CNOT3: variants seen among roughly 807,000 people sequenced by gnomAD.
The protein encoded by CNOT3 is CCR4-associated factor 3.
Under a neutral mutation model 89.4 loss-of-function variants are expected in CNOT3, and 2 were observed. The ratio of observed to expected loss-of-function variants is 0.02; its 90% confidence interval spans 0.01 to 0.07. The LOEUF (loss-of-function observed/expected upper bound fraction) is 0.07, where lower values mean the gene tolerates loss of function less well. CNOT3 is among the 10% of genes least tolerant of loss of function. CNOT3 has a pLI of 1.00. For missense variants in CNOT3, 664 were observed against 1,010.2 expected, an observed-to-expected ratio of 0.66 and a Z score of 4.65; for synonymous variants, 486 against 402.0, an observed-to-expected ratio of 1.21 and a Z score of -2.50.
chr19:54,155,638 A>T lies in CNOT3; in HGVS notation c.*231A>T. The stretch of plus-strand genomic sequence containing the variant: ...GTGAGGGACATTTTTTGGTAAACCT[A>T]TTTTCATTTTGGAAAATATTTATGA... On this transcript the variant is annotated 3_prime_UTR_variant, in exon 18 of 18. Transcript: ENST00000221232. The T allele has an allele frequency of 7.4e-7, 1 of 1,360,056 alleles. No individual in the cohort carries two copies. Among genetic ancestry groups the T allele is most frequent in the Non-Finnish European group, 1.0e-6 (1 of 1,000,536 alleles). 84.2% of individuals were successfully genotyped at this position (1,360,056 alleles called of 1,614,324 possible). A position where few individuals can be genotyped will look rare whatever the true frequency, so the allele number is the denominator to read the frequency against.
rs954182002 is a variant in CNOT3 at position 54,155,118 on chromosome 19, G to C, written c.2164-191G>C. The C allele has an allele frequency of 3.5e-5, 22 of 628,178 alleles. No homozygotes were observed. The African/African-American group carries it at 4.2e-4, about 12-fold the overall frequency. 38.9% of individuals were successfully genotyped at this position (628,178 alleles called of 1,614,324 possible). On this transcript the variant is annotated intron_variant, in intron 17 of 17. Transcript: ENST00000221232. The stretch of plus-strand genomic sequence containing the variant: ...CGGCCCCCTCCGTTTCCTCCTCGCT[G>C]AAGTGGCATGATAACATTTCCTACC...
intron 17 of CNOT3, chr19:54,154,569 G>C (rs528780117): frequency 6.3e-6 from 1 of 158,112 alleles, no homozygotes; most frequent in East Asian, 1.8e-4. Context: ...GTGTTCTACA[G>C]TGATGTTTTT....
intron 2 of CNOT3, 21 bp downstream of exon 2, chr19:54,143,024 T>G (rs751940189): frequency 1.4e-5 from 23 of 1,614,056 alleles, no homozygotes; most frequent in Non-Finnish European, 1.8e-5. Flanking sequence ...GACTTCCTGC[T>G]GCACCTGTAG....
chr19:54,155,335 G>C lies in CNOT3; in HGVS notation c.2190G>C (p.Glu730Asp). 6.2e-7 allele frequency: 1 copy of C among 1,613,394 alleles called. No homozygotes were observed. Among genetic ancestry groups the C allele is most frequent in the Non-Finnish European group, 8.5e-7 (1 of 1,179,514 alleles). Residue 730 changes from glutamate (E) to aspartate (D), a missense_variant, in exon 18 of 18, where the codon GAG becomes GAC. Around this residue, in one of 8 missense-constraint regions of CNOT3, gnomAD observed 13 missense variants for 44.3 expected, o/e 0.29. Coordinates refer to ENST00000221232, the MANE Select transcript of CNOT3 (RefSeq NM_014516.4). The part of the protein sequence containing the change: ...EQGTYIYFDY[E>D]KWGQRKKEGF... ...GCACCTACATCTACTTTGACTACGA[G>C]AAGTGGGGCCAGCGGAAGAAGGAAG...
In CNOT3 at chr19:54,144,386, T is replaced by C. The variant is rs1279432900; in HGVS notation, c.483+54T>C. ...GATGGGGATGGGCATGGGAATGGGC[T>C]GGCCAGCAGGAGGCCAGTCATTTAT... On this transcript the variant is annotated intron_variant, in intron 7 of 17. Transcript: ENST00000221232. This position sits in a 1 kb window ranked among gnomAD's most constrained non-coding sequence, Gnocchi z 4.8. The C allele has an allele frequency of 1.2e-5, 16 of 1,375,636 alleles. No homozygotes were observed. Among genetic ancestry groups the C allele is most frequent in the Admixed American group, 8.6e-5 (5 of 57,994 alleles). 85.2% of individuals were successfully genotyped at this position (1,375,636 alleles called of 1,614,324 possible).
At chr19:54,153,089 GC>G in intron 16 of CNOT3, 90 bp downstream of exon 16, 4 of 1,409,028 alleles carry the variant, frequency 2.8e-6, no homozygotes, top group Non-Finnish European at 4.0e-6. Context: ...TGAGGTGGGT[GC>G]CCCACTGCGG....
intron 1 of CNOT3, chr19:54,141,760 C>T (rs2074458410): frequency 6.6e-6 from 1 of 152,166 alleles, no homozygotes; most frequent in Non-Finnish European, 1.5e-5. Flanking sequence ...CTGCCCTGCA[C>T]ACGTAGAGTG....
intron 17 of CNOT3, 112 bp from the exon 18 acceptor site, chr19:54,155,197 C>G: frequency 7.6e-7 from 1 of 1,314,338 alleles, no homozygotes; most frequent in Non-Finnish European, 1.0e-6. Context: ...GGCAGCTGGC[C>G]CGGTGCCTGA....
In CNOT3 at chr19:54,142,747, C is replaced by T. The variant is rs1443482068; in HGVS notation, c.-50-182C>T. 7 of 599,662 alleles carry T rather than the reference C, an allele frequency of 1.2e-5. No individual in the cohort carries two copies. In the African/African-American group the frequency reaches 1.3e-4, roughly 11 times the overall value. The allele number at this position is 599,662 out of a possible 1,614,324, so 37.1% of individuals were successfully genotyped here. ...ACAAACTTATGGGGTCCCCTGTTGG[C>T]CAGACACTATGCTGGGCAGTCAAGC... is the stretch of plus-strand genomic sequence containing the variant. On this transcript the variant is annotated intron_variant, in intron 1 of 17. Transcript: ENST00000221232.
In CNOT3 at chr19:54,152,421, C is replaced by T; in HGVS notation, c.1706-7C>T. ...CTGAGGGGGCCGGACCCCCACCCTC[C>T]CCACAGACATCATCCTGAGCAGTAC... On this transcript the variant is annotated splice_region_variant and splice_polypyrimidine_tract_variant and intron_variant, in intron 14 of 17. Transcript: ENST00000221232. 1.9e-6 allele frequency: 3 copies of T among 1,613,994 alleles called. No homozygotes were observed. The highest frequency in any genetic ancestry group is 2.5e-6 in the Non-Finnish European group (3 of 1,179,862).
At chr19:54,155,217 A>G (rs2075346588) in intron 17 of CNOT3, 92 bp from the exon 18 acceptor site, 1 of 1,525,382 alleles carries the variant, frequency 6.6e-7, no homozygotes, top group Non-Finnish European at 8.9e-7. Flanking sequence ...ACACATCCAC[A>G]GCCCTAAGAA....
chr19:54,138,206 A>C (rs587730746), intron 1 of CNOT3, among the ~76,000 whole-genome samples: 9 of 146,698 alleles, frequency 6.1e-5, no homozygotes, highest in Non-Finnish European at 1.4e-4. Flanking sequence ...CGCCTCTTTC[A>C]CGTTCCTCAG....
chr19:54,144,951 T>C lies in CNOT3; in HGVS notation c.483+619T>C, dbSNP rs2146585886. Among the ~76,000 whole-genome samples, 2 of 151,530 alleles carry C rather than the reference T, an allele frequency of 1.3e-5. 1 individual carries two copies. Among genetic ancestry groups the C allele is most frequent in the South Asian group, 4.2e-4 (2 of 4,788 alleles). On this transcript the variant is annotated intron_variant, in intron 7 of 17. Transcript: ENST00000221232. This position sits in a 1 kb window ranked among gnomAD's most constrained non-coding sequence, Gnocchi z 4.8. Reference sequence around the variant, plus strand: ...GGTCAGGAAGTGGAAGATGACAGGGTTGGGTGTCAGACTCTGAGGGGTTTG... The same window carrying C: ...GGTCAGGAAGTGGAAGATGACAGGGCTGGGTGTCAGACTCTGAGGGGTTTG...
At chr19:54,141,354 C>T (rs1327984046) in intron 1 of CNOT3, 1 of 152,184 alleles carries the variant, frequency 6.6e-6, no homozygotes, top group Non-Finnish European at 1.5e-5. Flanking sequence ...AGGTAGCACC[C>T]CTACCTATTA....
At chr19:54,139,710 G>T (rs2074371806) in intron 1 of CNOT3, among the ~76,000 whole-genome samples, 1 of 152,070 alleles carries the variant, frequency 6.6e-6, no homozygotes, top group African/African-American at 2.4e-5. Context: ...CACTGTATGG[G>T]GTAAGGCATA....
In CNOT3 at chr19:54,147,905, G is replaced by A. The variant is rs372041432; in HGVS notation, c.895-243G>A. ...ATCCCTGTGGGGGTGTCCATGGGGC[G>A]GTGTCCAGGCAGGACTTGGGAAGCT... On this transcript the variant is annotated intron_variant, in intron 10 of 17. Transcript: ENST00000221232. Among the ~76,000 whole-genome samples, 50 of 152,230 alleles carry A rather than the reference G, an allele frequency of 3.3e-4. No homozygotes were observed. In the East Asian group the frequency reaches 5.0e-3, roughly 15 times the overall value.
chr19:54,142,451 C>CACACACACACACACACACACACACA, intron 1 of CNOT3: 1 of 239,842 alleles, frequency 4.2e-6, no homozygotes, highest in Non-Finnish European at 8.3e-6. Flanking sequence ...CACACACACA[C>CACACACACACACACACACACACACA]GCCCTTCTCT....
At chr19:54,138,920 C>T (rs2074336054) in intron 1 of CNOT3, among the ~76,000 whole-genome samples, 1 of 152,234 alleles carries the variant, frequency 6.6e-6, no homozygotes, top group Non-Finnish European at 1.5e-5. Context: ...CTGCCCCTGG[C>T]TTTGCAGCCT....
chr19:54,138,105 T>C (rs2074287848), intron 1 of CNOT3, 112 bp downstream of exon 1: 1 of 151,400 alleles, frequency 6.6e-6, no homozygotes, highest in Non-Finnish European at 1.5e-5. Context: ...TGTCGCGACA[T>C]GGCCTCCCCT....
Sources: gnomAD v4.1 joint callset for allele counts (sites outside exome capture counted in the v4.1 genomes callset) on GRCh38, gnomAD v4.1.1 for gene constraint, gnomAD v4.1.1 regional missense constraint, Gnocchi (gnomAD v3.1) non-coding constraint, MANE v1.5 for transcripts, NCBI Gene and HGNC (gene_info 2026-07-23, HGNC 2026-07-21) for gene names.